The following MICU2 variants were observed in gnomAD, a reference collection of about 807,000 sequenced individuals.
The protein encoded by MICU2 is calcium uptake protein 2, mitochondrial.
MICU2 carries 64 observed loss-of-function variants against 60.4 expected under a neutral mutation model. The observed-to-expected ratio is 1.06, with a 90% confidence interval of 0.87 to 1.31. MICU2 has a LOEUF of 1.31. MICU2 is among the 50% of genes most tolerant of loss of function. MICU2 has a pLI of 0.00. For synonymous variants in MICU2, 201 were observed against 175.0 expected (o/e 1.15, Z -1.17); for missense variants, 569 against 531.0 (o/e 1.07, Z -0.70).
intron 2 of MICU2, among the ~76,000 whole-genome samples, chr13:21,554,321 T>A (rs1002599219): frequency 2.0e-5 from 3 of 152,114 alleles, no homozygotes; most frequent in East Asian, 3.8e-4. Flanking sequence ...ACAGAAATTA[T>A]AACAAACTGT....
intron 1 of MICU2, among the ~76,000 whole-genome samples, chr13:21,583,162 G>C (rs1169216848): frequency 1.3e-5 from 2 of 152,148 alleles, no homozygotes; most frequent in African/African-American, 4.8e-5. Context: ...GATTGAGGAG[G>C]GAGGCCTGCT....
intron 4 of MICU2, 102 bp downstream of exon 4, chr13:21,539,200 A>T (rs1483536306): frequency 1.0e-6 from 1 of 973,020 alleles, no homozygotes; most frequent in Non-Finnish European, 1.5e-6. Context: ...TTTTAAAAAC[A>T]CCTATTAAAT....
chr13:21,562,789 A>G (rs1333979485), intron 2 of MICU2, among the ~76,000 whole-genome samples: 2 of 152,202 alleles, frequency 1.3e-5, no homozygotes, highest in South Asian at 4.1e-4. Context: ...TGTTATATCA[A>G]TTTTTAAAAA....
chr13:21,569,040 T>C (rs956323282), intron 1 of MICU2, among the ~76,000 whole-genome samples: 9 of 152,110 alleles, frequency 5.9e-5, no homozygotes, highest in African/African-American at 1.4e-4. Flanking sequence ...TTTGGGTAAA[T>C]ATCCCCTGTA....
intron 4 of MICU2, among the ~76,000 whole-genome samples, chr13:21,524,211 C>T (rs1886793730): frequency 6.6e-6 from 1 of 152,112 alleles, no homozygotes. Context: ...AAACTTCAAT[C>T]ATATGCAACA....
intron 2 of MICU2, among the ~76,000 whole-genome samples, chr13:21,543,661 C>T (rs889744996): frequency 2.0e-5 from 3 of 151,886 alleles, no homozygotes; most frequent in African/African-American, 7.3e-5. Flanking sequence ...CGAAAGAAAC[C>T]GAGGAGGATA....
intron 8 of MICU2, among the ~76,000 whole-genome samples, chr13:21,509,039 C>A (rs186966754): frequency 6.6e-6 from 1 of 152,324 alleles, no homozygotes; most frequent in African/African-American, 2.4e-5. Context: ...TTCAATAAAT[C>A]TTTATTAAAC....
In MICU2 at chr13:21,558,201, C is replaced by A. The variant is rs1042904091; in HGVS notation, c.358+8596G>T. Among the ~76,000 whole-genome samples the A allele has an allele frequency of 2.6e-5, 4 of 151,696 alleles. No individual in the cohort carries two copies. The East Asian group carries it at 7.7e-4, about 29-fold the overall frequency. On this transcript the variant is annotated intron_variant, in intron 2 of 11. Coordinates refer to ENST00000382374, the MANE Select transcript of MICU2 (RefSeq NM_152726.3). ...AAGACTATCGCCCCCCAGTGTTAAG[C>A]CTCTGATGTTGCTCCTCAGGGAGGC...
At chr13:21,502,842 G>A in intron 9 of MICU2, 84 bp downstream of exon 9, 1 of 1,294,604 alleles carries the variant, frequency 7.7e-7, no homozygotes, top group Non-Finnish European at 1.1e-6. Context: ...GCACAGTCTT[G>A]GTTAATTCAG....
chr13:21,516,997 A>C (rs962603112), intron 6 of MICU2, among the ~76,000 whole-genome samples: 1 of 152,220 alleles, frequency 6.6e-6, no homozygotes, highest in African/African-American at 2.4e-5. Flanking sequence ...TGTACCATTG[A>C]TCAAGGTAAA....
intron 6 of MICU2, among the ~76,000 whole-genome samples, chr13:21,517,287 T>G (rs1383914169): frequency 1.3e-5 from 2 of 152,244 alleles, no homozygotes; most frequent in Non-Finnish European, 2.9e-5. Context: ...GCTACTCAAA[T>G]CACTTTGTTA....
intron 9 of MICU2, among the ~76,000 whole-genome samples, chr13:21,501,268 C>CTTTTT (rs1298258740): frequency 6.9e-6 from 1 of 145,386 alleles, no homozygotes; most frequent in Non-Finnish European, 1.5e-5. Context: ...CATATAAAGT[C>CTTTTT]TTTTTTTTTT....
intron 1 of MICU2, among the ~76,000 whole-genome samples, chr13:21,599,278 C>T (rs1180037340): frequency 6.6e-6 from 1 of 152,180 alleles, no homozygotes; most frequent in Non-Finnish European, 1.5e-5. Flanking sequence ...CCTAAACCTC[C>T]CTTCTCCATT....
In MICU2 at chr13:21,495,087, C is replaced by A. The variant is rs556810123; in HGVS notation, c.1200+74G>T. On this transcript the variant is annotated intron_variant, in intron 11 of 11. Transcript: ENST00000382374. ...ATGAAAACTCCATTTAAAGACTGTA[C>A]AATTGCCCAAATTCTAGGTTTAATA... 3.9e-4 allele frequency: 476 copies of A among 1,230,998 alleles called. 8 individuals are homozygous for A. The South Asian group carries it at 8.9e-3, about 23-fold the overall frequency. 76.3% of individuals were successfully genotyped at this position (1,230,998 alleles called of 1,614,324 possible). A position where few individuals can be genotyped will look rare whatever the true frequency, so the allele number is the denominator to read the frequency against.
intron 7 of MICU2, 74 bp from the exon 8 acceptor site, chr13:21,510,175 T>C (rs1886392764): frequency 6.8e-6 from 5 of 733,492 alleles, no homozygotes; most frequent in Non-Finnish European, 9.8e-6. Flanking sequence ...GTAGAAATCT[T>C]AGAATAATAT....
At chr13:21,603,824 G>C (rs1002203157) in intron 1 of MICU2, 115 bp downstream of exon 1, 17 of 1,179,650 alleles carry the variant, frequency 1.4e-5, no homozygotes, top group Non-Finnish European at 1.2e-5. Context: ...GATCCGCAGC[G>C]GCACCTCCAC....
intron 2 of MICU2, among the ~76,000 whole-genome samples, chr13:21,556,740 C>T (rs535879675): frequency 6.6e-6 from 1 of 151,658 alleles, no homozygotes. Context: ...TAGCTTATGG[C>T]CTTAATTTGC....
intron 2 of MICU2, among the ~76,000 whole-genome samples, chr13:21,562,734 C>T (rs762965120): frequency 2.6e-4 from 40 of 152,190 alleles, no homozygotes; most frequent in Non-Finnish European, 4.3e-4. Flanking sequence ...ACAATTTGAT[C>T]ATCCAATATT....
chr13:21,602,016 G>A (rs192021250), intron 1 of MICU2, among the ~76,000 whole-genome samples: 16 of 151,852 alleles, frequency 1.1e-4, no homozygotes, highest in Middle Eastern at 3.4e-3. Flanking sequence ...GCTGAGGTAG[G>A]AGAATTACTT....
Sources: gnomAD v4.1 joint callset for allele counts (sites outside exome capture counted in the v4.1 genomes callset) on GRCh38, gnomAD v4.1.1 for gene constraint, MANE v1.5 for transcripts, NCBI Gene and HGNC (gene_info 2026-07-23, HGNC 2026-07-21) for gene names.